PBX3: variants seen among roughly 807,000 people sequenced by gnomAD.
The protein encoded by PBX3 is pre-B-cell leukemia transcription factor 3.
PBX3 carries 14 observed loss-of-function variants against 48.5 expected under a neutral mutation model. The ratio of observed to expected loss-of-function variants is 0.29; its 90% CI spans 0.19 to 0.45. PBX3 has a LOEUF of 0.45. PBX3 is among the 20% of genes least tolerant of loss of function. The probability of loss-of-function intolerance (pLI) is 1.00; values close to 1 mark genes in which losing one functional copy is unlikely to be tolerated. For synonymous variants in PBX3, 210 were observed against 200.3 expected (o/e 1.05, Z -0.41); for missense variants, 386 against 546.7 (o/e 0.71, Z 2.93).
intron 2 of PBX3, among the ~76,000 whole-genome samples, chr9:125,813,067 T>A (rs1331425916): frequency 6.6e-6 from 1 of 152,228 alleles, no homozygotes; most frequent in East Asian, 1.9e-4. Flanking sequence ...AAAATATTTT[T>A]ATTTCTTCAA....
At chr9:125,778,601 T>TTTTC (rs1236369443) in intron 2 of PBX3, among the ~76,000 whole-genome samples, 4 of 82,914 alleles carry the variant, frequency 4.8e-5, no homozygotes, top group African/African-American at 1.9e-4. Flanking sequence ...TTTGTTGATC[T>TTTTC]TTTCTTTTTT....
At chr9:125,944,263 A>G (rs1052336656) in intron 5 of PBX3, among the ~76,000 whole-genome samples, 1 of 152,140 alleles carries the variant, frequency 6.6e-6, no homozygotes. Context: ...CTATGTGGAG[A>G]ACACATTTTT....
In PBX3 at chr9:125,810,036, A is replaced by AT. The variant is rs1167713583; in HGVS notation, c.274+61417dup. 1.8e-4 allele frequency among the ~76,000 whole-genome samples: 27 copies of AT among 152,276 alleles called. No individual in the cohort carries two copies. In the East Asian group the frequency reaches 4.8e-3, roughly 27 times the overall value. The stretch of plus-strand genomic sequence containing the variant: ...TTGGGCACAATGTGAATTTCATGTG[A>AT]TTTTGTCCTTAAGAAACACTAGATG... On this transcript the variant is annotated intron_variant, in intron 2 of 8. Transcript: ENST00000373489.
chr9:125,788,160 G>A (rs1588146464), intron 2 of PBX3, among the ~76,000 whole-genome samples: 1 of 152,222 alleles, frequency 6.6e-6, no homozygotes, highest in South Asian at 2.1e-4. Flanking sequence ...GTTGTTTAAT[G>A]TGGAGATCAT....
intron 2 of PBX3, among the ~76,000 whole-genome samples, chr9:125,755,676 T>G (rs962356076): frequency 1.6e-3 from 241 of 149,322 alleles, no homozygotes; most frequent in African/African-American, 5.5e-3. Context: ...AGCTTTGTTT[T>G]TTTTTTTTTT....
chr9:125,814,211 G>A (rs1368878742), intron 2 of PBX3, among the ~76,000 whole-genome samples: 1 of 141,988 alleles, frequency 7.0e-6, no homozygotes. Context: ...CAGGTTGCAT[G>A]TTCCCTTCAA....
intron 4 of PBX3, 83 bp downstream of exon 4, chr9:125,929,928 G>A (rs1214349949): frequency 9.6e-7 from 1 of 1,037,554 alleles, no homozygotes; most frequent in Admixed American, 2.1e-5. Flanking sequence ...CTGACCAGTT[G>A]GTCTTAGATT....
Position 125,803,056 on chromosome 9 carries a change from A to G in PBX3, c.274+54433A>G, listed in dbSNP as rs372504102. ...TATTAAAATCAGGAATTTATTATCT[A>G]TAGACCTTATTTCAGTGATTTTTCC... On this transcript the variant is annotated intron_variant, in intron 2 of 8. Transcript: ENST00000373489. Among the ~76,000 whole-genome samples the G allele has an allele frequency of 1.4e-4, 21 of 149,822 alleles. 1 individual carries two copies. The South Asian group carries it at 2.7e-3, about 20-fold the overall frequency.
intron 5 of PBX3, among the ~76,000 whole-genome samples, chr9:125,938,386 T>C (rs1430152188): frequency 2.6e-5 from 4 of 152,178 alleles, no homozygotes; most frequent in Non-Finnish European, 5.9e-5. Context: ...TAATTATCAA[T>C]AGATATTAAA....
intron 2 of PBX3, among the ~76,000 whole-genome samples, chr9:125,856,513 C>T (rs981969646): frequency 3.9e-5 from 6 of 152,314 alleles, no homozygotes; most frequent in African/African-American, 1.4e-4. Context: ...TGAGGGCTAA[C>T]GGAGCGGCGC....
intron 8 of PBX3, among the ~76,000 whole-genome samples, chr9:125,963,925 CT>C (rs11315014): frequency 0.59 from 89,720 of 152,040 alleles, 29,469 homozygotes; most frequent in East Asian, 0.77. Flanking sequence ...ATACTCAAAT[CT>C]TTTACATTTG....
At chr9:125,865,054 A>G (rs560388075) in intron 2 of PBX3, among the ~76,000 whole-genome samples, 20 of 152,332 alleles carry the variant, frequency 1.3e-4, no homozygotes, top group Non-Finnish European at 2.5e-4. Flanking sequence ...CGCTGTTCGG[A>G]TTACTTCCTA....
At chr9:125,957,021 G>GA (rs200042191) in intron 5 of PBX3, among the ~76,000 whole-genome samples, 2,189 of 151,242 alleles carry the variant, frequency 0.014, 25 homozygotes, top group Non-Finnish European at 0.024. Context: ...TTTAAAAGGT[G>GA]AAAAAAAAAT....
At chr9:125,855,600 A>G (rs1839699667) in intron 2 of PBX3, among the ~76,000 whole-genome samples, 1 of 152,164 alleles carries the variant, frequency 6.6e-6, no homozygotes, top group African/African-American at 2.4e-5. Flanking sequence ...TATCAAAACT[A>G]TGCTTTTGCT....
At chr9:125,933,737 A>T (rs982822294) in intron 4 of PBX3, among the ~76,000 whole-genome samples, 2 of 152,100 alleles carry the variant, frequency 1.3e-5, no homozygotes, top group South Asian at 4.1e-4. Flanking sequence ...TGGGCCCAGT[A>T]CTGTTGGTAT....
At chr9:125,889,306 A>AG (rs900080752) in intron 2 of PBX3, among the ~76,000 whole-genome samples, 1 of 152,218 alleles carries the variant, frequency 6.6e-6, no homozygotes, top group Non-Finnish European at 1.5e-5. Context: ...CGTGGGGAGC[A>AG]GGGGCGCTTG....
intron 2 of PBX3, among the ~76,000 whole-genome samples, chr9:125,828,039 A>G (rs755164805): frequency 5.3e-5 from 8 of 152,146 alleles, no homozygotes; most frequent in Non-Finnish European, 1.2e-4. Context: ...CTGGATACAG[A>G]TATTAGTAGT....
intron 2 of PBX3, among the ~76,000 whole-genome samples, chr9:125,891,910 G>T (rs2132388144): frequency 6.6e-6 from 1 of 152,116 alleles, no homozygotes; most frequent in African/African-American, 2.4e-5. Flanking sequence ...TGTTCAATCA[G>T]CATTTTATTT....
chr9:125,922,082 A>C (rs914622181), intron 3 of PBX3, among the ~76,000 whole-genome samples: 17 of 152,326 alleles, frequency 1.1e-4, no homozygotes, highest in African/African-American at 3.8e-4. Context: ...AAAAAGCCCC[A>C]CCACAAAATA....
Sources: gnomAD v4.1 joint callset for allele counts (sites outside exome capture counted in the v4.1 genomes callset) on GRCh38, gnomAD v4.1.1 for gene constraint, MANE v1.5 for transcripts, NCBI Gene and HGNC (gene_info 2026-07-23, HGNC 2026-07-21) for gene names.